LINGO2: variants seen among roughly 807,000 people sequenced by gnomAD.
The protein encoded by LINGO2 is leucine rich repeat and Ig domain containing 2.
A neutral mutation model predicts 30.6 loss-of-function variants in LINGO2; 14 were observed. That is an observed-to-expected ratio of 0.46 (90% confidence interval 0.30 to 0.72). The LOEUF is 0.72. Among genes scored for constraint, LINGO2 ranks in the 30% least tolerant of loss-of-function variants. The probability of loss-of-function intolerance (pLI) is 0.07; values close to 1 mark genes in which losing one functional copy is unlikely to be tolerated. For synonymous variants in LINGO2, 317 were observed against 288.5 expected, an observed-to-expected ratio of 1.10 and a Z score of -1.00; for missense variants, 729 against 751.7, an observed-to-expected ratio of 0.97 and a Z score of 0.35.
the LINGO2 span, among the ~76,000 whole-genome samples, chr9:28,993,538 C>T: frequency 6.6e-6 from 1 of 151,756 alleles, no homozygotes; most frequent in African/African-American, 2.4e-5. Context: ...CATCCTGATA[C>T]CAAAGCCGGG....
the LINGO2 span, among the ~76,000 whole-genome samples, chr9:28,697,301 C>T: frequency 6.6e-6 from 1 of 151,900 alleles, no homozygotes; most frequent in Non-Finnish European, 1.5e-5. Context: ...TGTCACAACA[C>T]CGTAGCATTT....
chr9:28,632,566 C>T (rs1327444770), intron 1 of LINGO2, among the ~76,000 whole-genome samples: 3 of 142,110 alleles, frequency 2.1e-5, no homozygotes, highest in African/African-American at 5.2e-5. Flanking sequence ...ATATATATCT[C>T]GATATACTAT....
At chr9:28,859,639 C>T in the LINGO2 span, among the ~76,000 whole-genome samples, 5 of 151,884 alleles carry the variant, frequency 3.3e-5, no homozygotes, top group Non-Finnish European at 5.9e-5. Context: ...ATCATAGATG[C>T]ATTAGGAGAC....
At chr9:28,603,937 G>A (rs1825597009) in intron 1 of LINGO2, among the ~76,000 whole-genome samples, 1 of 151,984 alleles carries the variant, frequency 6.6e-6, no homozygotes, top group South Asian at 2.1e-4. Flanking sequence ...CTTTGGTTTT[G>A]ATAAACATTG....
chr9:28,600,811 G>C (rs1188302664), intron 1 of LINGO2, among the ~76,000 whole-genome samples: 4 of 151,992 alleles, frequency 2.6e-5, no homozygotes, highest in Non-Finnish European at 5.9e-5. Flanking sequence ...CTAATTTACA[G>C]ATTCTTTCTC....
At chr9:27,938,958 C>T in the LINGO2 span, 4 of 152,030 alleles carry the variant, frequency 2.6e-5, no homozygotes, top group African/African-American at 7.2e-5. Flanking sequence ...AAGGAAAGGA[C>T]CGAGTAGATT....
chr9:28,377,449 CT>C (rs1821174631), intron 2 of LINGO2, among the ~76,000 whole-genome samples: 1 of 152,058 alleles, frequency 6.6e-6, no homozygotes, highest in South Asian at 2.1e-4. Flanking sequence ...TCTTAACCTA[CT>C]GTTTATGTTA....
the LINGO2 span, among the ~76,000 whole-genome samples, chr9:29,053,573 TAAAAGA>T: frequency 6.6e-6 from 1 of 152,050 alleles, no homozygotes; most frequent in Admixed American, 6.6e-5. Flanking sequence ...ATAATAAAAT[TAAAAGA>T]AAAAGAAAAA....
At chr9:28,797,170 T>A in the LINGO2 span, among the ~76,000 whole-genome samples, 1 of 151,486 alleles carries the variant, frequency 6.6e-6, no homozygotes, top group African/African-American at 2.4e-5. Flanking sequence ...AGTTTCAGGT[T>A]ATTCACTCAA....
At chr9:28,116,271 G>T (rs1587014232) in intron 4 of LINGO2, among the ~76,000 whole-genome samples, 1 of 17,388 alleles carries the variant, frequency 5.8e-5, no homozygotes, top group Non-Finnish European at 1.0e-4. Flanking sequence ...TAGGGTTTCT[G>T]CCGAGAGATC....
chr9:28,139,119 T>G (rs1158270548), intron 4 of LINGO2, among the ~76,000 whole-genome samples: 1 of 152,178 alleles, frequency 6.6e-6, no homozygotes, highest in Non-Finnish European at 1.5e-5. Context: ...CATCATTATC[T>G]GCCAGTGAAG....
the LINGO2 span, among the ~76,000 whole-genome samples, chr9:28,726,708 C>G: frequency 6.6e-6 from 1 of 152,120 alleles, no homozygotes; most frequent in Non-Finnish European, 1.5e-5. Context: ...TCTAGCCTTT[C>G]TTGAACATAT....
chr9:29,189,125 G>C, the LINGO2 span, among the ~76,000 whole-genome samples: 2 of 124,532 alleles, frequency 1.6e-5, no homozygotes, highest in East Asian at 5.5e-4. Flanking sequence ...CCCGGACGGG[G>C]CGGCTGGCCG....
At chr9:28,240,254 T>G (rs1413604053) in intron 4 of LINGO2, among the ~76,000 whole-genome samples, 1 of 152,086 alleles carries the variant, frequency 6.6e-6, no homozygotes, top group African/African-American at 2.4e-5. Flanking sequence ...CCAATGACAT[T>G]CTTCACAGAA....
chr9:28,644,109 A>G (rs1323767395), intron 1 of LINGO2, among the ~76,000 whole-genome samples: 1 of 152,076 alleles, frequency 6.6e-6, no homozygotes, highest in Admixed American at 6.6e-5. Context: ...CACAATCACT[A>G]TGGATAGTTT....
At chr9:29,196,567 G>T in the LINGO2 span, among the ~76,000 whole-genome samples, 1 of 151,982 alleles carries the variant, frequency 6.6e-6, no homozygotes. Flanking sequence ...CCGTTATATT[G>T]ATAGACAACC....
intron 3 of LINGO2, among the ~76,000 whole-genome samples, chr9:28,364,321 C>T (rs944931535): frequency 6.6e-6 from 1 of 151,594 alleles, no homozygotes; most frequent in Non-Finnish European, 1.5e-5. Flanking sequence ...TGAGTGTCAT[C>T]ATCTACCACT....
chr9:28,767,728 G>A, the LINGO2 span, among the ~76,000 whole-genome samples: 1 of 147,058 alleles, frequency 6.8e-6, no homozygotes, highest in Admixed American at 7.0e-5. Flanking sequence ...GGAGCTTGCA[G>A]TGAGCCGAGA....
the LINGO2 span, among the ~76,000 whole-genome samples, chr9:28,838,979 A>G: frequency 6.6e-6 from 1 of 152,206 alleles, no homozygotes; most frequent in Non-Finnish European, 1.5e-5. Flanking sequence ...GCAAGGCTGC[A>G]GCTGGACCAG....
Sources: gnomAD v4.1 joint callset for allele counts (sites outside exome capture counted in the v4.1 genomes callset) on GRCh38, gnomAD v4.1.1 for gene constraint, MANE v1.5 for transcripts, NCBI Gene and HGNC (gene_info 2026-07-23, HGNC 2026-07-21) for gene names.